CMPK2: variants seen among roughly 807,000 people sequenced by gnomAD.
CMPK2 encodes UMP-CMP kinase 2, mitochondrial.
In CMPK2, 32 loss-of-function variants were observed where a neutral mutation model predicts 33.4. The observed-to-expected ratio is 0.96, with a 90% CI of 0.72 to 1.29. The LOEUF is 1.29. CMPK2 is among the 50% of genes most tolerant of loss of function. CMPK2 has a pLI of 0.00. For missense variants in CMPK2, 672 were observed against 616.0 expected (o/e 1.09, Z -0.96); for synonymous variants, 299 against 275.3 (o/e 1.09, Z -0.85).
downstream of CMPK2, among the ~76,000 whole-genome samples, chr2:6,845,878 G>A (rs372766775): frequency 3.2e-4 from 49 of 152,318 alleles, 1 homozygote; most frequent in African/African-American, 1.1e-3. Flanking sequence ...AGAATTGAAT[G>A]GCTGCCATTC....
chr2:6,858,399 T>C (rs1335542275), intron 3 of CMPK2, among the ~76,000 whole-genome samples: 1 of 152,234 alleles, frequency 6.6e-6, no homozygotes, highest in Non-Finnish European at 1.5e-5. Context: ...GTTCACCTGA[T>C]ACTTTTCTTC....
intron 3 of CMPK2, 120 bp downstream of exon 3, chr2:6,861,064 A>AT: frequency 6.1e-6 from 5 of 814,442 alleles, no homozygotes; most frequent in Middle Eastern, 2.4e-4. Flanking sequence ...CTTAAACACA[A>AT]TTTTTTTCCT....
intron 3 of CMPK2, among the ~76,000 whole-genome samples, chr2:6,859,295 A>G (rs1348351286): frequency 2.6e-5 from 4 of 152,208 alleles, no homozygotes; most frequent in Non-Finnish European, 4.4e-5. Flanking sequence ...AGAAAATCCC[A>G]TTTTCTGAGG....
intron 3 of CMPK2, among the ~76,000 whole-genome samples, chr2:6,851,987 C>T (rs545721553): frequency 6.6e-6 from 1 of 152,302 alleles, no homozygotes; most frequent in Admixed American, 6.5e-5. Context: ...TGTCCGCATT[C>T]CTCTATGAAA....
intron 3 of CMPK2, among the ~76,000 whole-genome samples, chr2:6,858,283 G>A (rs376571404): frequency 2.0e-5 from 3 of 151,692 alleles, no homozygotes; most frequent in Non-Finnish European, 4.4e-5. Flanking sequence ...CATATCTAGT[G>A]GAGGGTTAGC....
Position 6,848,444 on chromosome 2 carries a change from C to G in CMPK2, c.*1406G>C. On this transcript the variant is annotated 3_prime_UTR_variant, in exon 5 of 5. Coordinates refer to ENST00000256722, the MANE Select transcript of CMPK2 (RefSeq NM_207315.4). Reference sequence around the variant, plus strand: ...AAAGTAAATAAAACCAATAATACAGCTAGATACCACATTGCAAAGAACCCT... The same window carrying G: ...AAAGTAAATAAAACCAATAATACAGGTAGATACCACATTGCAAAGAACCCT... The G allele has an allele frequency of 1.0e-6, 1 of 981,702 alleles. No individual in the cohort carries two copies. The highest frequency in any genetic ancestry group is 1.2e-6 in the Non-Finnish European group (1 of 826,556). The allele number at this position is 981,702 out of a possible 1,614,324, so 60.8% of individuals were successfully genotyped here. A position where few individuals can be genotyped will look rare whatever the true frequency, so the allele number is the denominator to read the frequency against.
At position 6,862,658 on chromosome 2, in the gene CMPK2, G is replaced by A. The variant is rs75027600; in HGVS notation, c.790+806C>T. On this transcript the variant is annotated intron_variant, in intron 2 of 4. Coordinates refer to ENST00000256722, the MANE Select transcript of CMPK2 (RefSeq NM_207315.4). ...CAGTACATTTGAGTGATGACAGCTG[G>A]TCTCCCTGAAGGCCAGGACATGGCC... Among the ~76,000 whole-genome samples, 1,065 of 152,320 alleles carry A rather than the reference G, an allele frequency of 7.0e-3. 7 individuals are homozygous for A. Among genetic ancestry groups the A allele is most frequent in the African/African-American group, 0.024 (999 of 41,572 alleles).
chr2:6,847,239 G>A (rs893837316), downstream of CMPK2, among the ~76,000 whole-genome samples: 1 of 152,136 alleles, frequency 6.6e-6, no homozygotes, highest in African/African-American at 2.4e-5. Context: ...ACCAATCAGG[G>A]GCTGAAGTTA....
downstream of CMPK2, among the ~76,000 whole-genome samples, chr2:6,846,234 A>G (rs1320296230): frequency 1.3e-5 from 2 of 152,238 alleles, no homozygotes; most frequent in Non-Finnish European, 2.9e-5. Flanking sequence ...TAAGAAAATT[A>G]ACTTCTCTCA....
chr2:6,865,964 G>A (rs979744074), upstream of CMPK2: 24 of 1,112,216 alleles, frequency 2.2e-5, no homozygotes, highest in Non-Finnish European at 2.7e-5. Flanking sequence ...CCCCAGGTGC[G>A]CGGCTCCGCG....
chr2:6,845,336 G>A (rs1470009183), downstream of CMPK2, among the ~76,000 whole-genome samples: 3 of 152,120 alleles, frequency 2.0e-5, no homozygotes, highest in African/African-American at 7.2e-5. Context: ...TGCACTCGAG[G>A]AGATTACAGA....
At chr2:6,863,268 G>A (rs1003387082) in intron 2 of CMPK2, among the ~76,000 whole-genome samples, 196 bp downstream of exon 2, 2 of 152,070 alleles carry the variant, frequency 1.3e-5, no homozygotes, top group African/African-American at 2.4e-5. Flanking sequence ...GAGGATCCGC[G>A]CCCACACATC....
chr2:6,850,864 C>T (rs1662498898), intron 4 of CMPK2: 1 of 989,930 alleles, frequency 1.0e-6, no homozygotes, highest in African/African-American at 1.7e-5. Context: ...GGAGGCCTGG[C>T]CAGACTCTCT....
intron 3 of CMPK2, chr2:6,840,699 G>GA (rs751472715): frequency 6.7e-5 from 47 of 700,520 alleles, no homozygotes; most frequent in Non-Finnish European, 1.1e-4. Flanking sequence ...GAAAAGAGAG[G>GA]AAAAATCCTT....
intron 3 of CMPK2, among the ~76,000 whole-genome samples, chr2:6,842,806 C>T (rs376123366): frequency 1.0e-3 from 152 of 152,240 alleles, no homozygotes; most frequent in African/African-American, 3.6e-3. Context: ...ATCCTCTTAG[C>T]TGTTTGAGGG....
At chr2:6,858,717 C>T (rs1443947746) in intron 3 of CMPK2, among the ~76,000 whole-genome samples, 2 of 152,220 alleles carry the variant, frequency 1.3e-5, no homozygotes, top group Non-Finnish European at 1.5e-5. Flanking sequence ...CGACATGGAA[C>T]TGTAAATCCA....
rs556207973 is a variant in CMPK2, at chr2:6,854,258, T to A, written c.993-2575A>T. Among the ~76,000 whole-genome samples the A allele has an allele frequency of 2.0e-5, 3 of 152,336 alleles. No homozygotes were observed. In the East Asian group the frequency reaches 5.8e-4, roughly 29 times the overall value. ...TATAGAGTCTGATATTATCTTATTT[T>A]TAAAGTCTTCTTTATTGTAGAAAAG... is the stretch of plus-strand genomic sequence containing the variant. On this transcript the variant is annotated intron_variant, in intron 3 of 4. Transcript: ENST00000256722.
chr2:6,859,323 G>A (rs773424175), intron 3 of CMPK2, among the ~76,000 whole-genome samples: 4 of 152,214 alleles, frequency 2.6e-5, no homozygotes, highest in Non-Finnish European at 4.4e-5. Context: ...CAAGCTGGCT[G>A]CAGAAGTTTG....
intron 3 of CMPK2, among the ~76,000 whole-genome samples, chr2:6,852,284 G>A (rs1014986690): frequency 2.0e-5 from 3 of 152,194 alleles, no homozygotes; most frequent in African/African-American, 4.8e-5. Context: ...CCTTCTGCTG[G>A]CTGTTTTAAA....
Sources: allele counts gnomAD v4.1 joint callset (sites outside exome capture counted in the v4.1 genomes callset), GRCh38; gene constraint gnomAD v4.1.1; transcripts MANE v1.5; gene names NCBI Gene and HGNC (gene_info 2026-07-23, HGNC 2026-07-21).